Variants in LRTM3 observed in about 807,000 individuals in gnomAD.
LRTM3 encodes the protein leucine rich repeat transmembrane protein 3.
the LRTM3 span, chr13:102,729,919 A>G: frequency 9.7e-6 from 15 of 1,551,862 alleles, no homozygotes; most frequent in East Asian, 3.4e-4. Flanking sequence ...TTTTTGCAAG[A>G]TGTGATTTAA....
At chr13:102,739,992 T>C in the LRTM3 span, 5 of 1,550,546 alleles carry the variant, frequency 3.2e-6, no homozygotes, top group Non-Finnish European at 4.4e-6. Flanking sequence ...TTGTGGCATA[T>C]CACGCCTTTC....
chr13:102,754,212 A>T, the LRTM3 span, among the ~76,000 whole-genome samples: 1 of 151,656 alleles, frequency 6.6e-6, no homozygotes, highest in Non-Finnish European at 1.5e-5. Flanking sequence ...CTCCAAAAAA[A>T]AAAAAAAAAA....
the LRTM3 span, chr13:102,744,646 A>T: frequency 6.4e-7 from 1 of 1,550,814 alleles, no homozygotes; most frequent in East Asian, 2.4e-5. Flanking sequence ...CTGATTTGCA[A>T]GGGTCAGGAT....
At chr13:102,732,347 G>C in the LRTM3 span, 1 of 1,551,318 alleles carries the variant, frequency 6.4e-7, no homozygotes, top group South Asian at 1.2e-5. Context: ...TCTATTGCTT[G>C]GTGTACCACG....
At chr13:102,758,318 T>TG in the LRTM3 span, 6 of 770,874 alleles carry the variant, frequency 7.8e-6, no homozygotes, top group African/African-American at 1.0e-4. Flanking sequence ...GGAAAACCCT[T>TG]CTCTGAAATT....
the LRTM3 span, chr13:102,748,041 C>G: frequency 6.4e-7 from 1 of 1,551,074 alleles, no homozygotes; most frequent in Non-Finnish European, 8.7e-7. Context: ...GTTTCCTTCT[C>G]ATCTGGTAAT....
the LRTM3 span, chr13:102,738,446 A>G: frequency 3.2e-6 from 5 of 1,550,836 alleles, no homozygotes; most frequent in Non-Finnish European, 4.4e-6. Context: ...GGCATTTGTC[A>G]GAAGCACACT....
chr13:102,754,196 C>T, the LRTM3 span, among the ~76,000 whole-genome samples: 1 of 123,406 alleles, frequency 8.1e-6, no homozygotes, highest in Non-Finnish European at 1.7e-5. Context: ...CAGAATGAGA[C>T]TCCATCTCCA....
chr13:102,746,678 G>C, the LRTM3 span: 1 of 1,551,150 alleles, frequency 6.4e-7, no homozygotes. Flanking sequence ...TAAAACAGGA[G>C]TGCAATAATT....
the LRTM3 span, chr13:102,746,581 C>T: frequency 1.2e-5 from 18 of 1,550,910 alleles, no homozygotes; most frequent in East Asian, 3.7e-4. Context: ...TTGATGGCTT[C>T]ACAGCCTTTG....
the LRTM3 span, chr13:102,732,493 A>G: frequency 1.8e-5 from 28 of 1,551,042 alleles, no homozygotes; most frequent in Non-Finnish European, 2.4e-5. Context: ...AAAGAGGAAC[A>G]TATGAATAAA....
the LRTM3 span, chr13:102,730,899 T>G: frequency 1.9e-6 from 3 of 1,551,320 alleles, no homozygotes; most frequent in East Asian, 2.4e-5. Flanking sequence ...AAAATTCTGT[T>G]TTGTCGTTTT....
chr13:102,755,930 T>C, the LRTM3 span, among the ~76,000 whole-genome samples: 1 of 49,574 alleles, frequency 2.0e-5, no homozygotes, highest in African/African-American at 5.3e-5. Context: ...TGTGTGTGTG[T>C]GTATATATAT....
the LRTM3 span, chr13:102,743,592 A>C: frequency 6.5e-7 from 1 of 1,550,336 alleles, no homozygotes; most frequent in East Asian, 2.4e-5. Context: ...GAGTCAGATA[A>C]AACAGGCATG....
the LRTM3 span, chr13:102,732,018 C>T: frequency 6.4e-7 from 1 of 1,551,298 alleles, no homozygotes; most frequent in Non-Finnish European, 8.7e-7. Flanking sequence ...CTGAGGTTTG[C>T]TTCTGATTTG....
At chr13:102,741,045 T>G in the LRTM3 span, 6 of 1,550,192 alleles carry the variant, frequency 3.9e-6, no homozygotes, top group Non-Finnish European at 5.2e-6. Flanking sequence ...TTTGAACTCA[T>G]GATTTCTTCT....
At chr13:102,750,172 C>T in the LRTM3 span, 1,226,864 of 1,550,620 alleles carry the variant, frequency 0.79, 489,289 homozygotes, top group South Asian at 0.86. Flanking sequence ...GGCTTAGACA[C>T]GTTTCCTCTA....
chr13:102,733,929 G>T, the LRTM3 span: 2 of 1,551,260 alleles, frequency 1.3e-6, no homozygotes, highest in South Asian at 2.4e-5. Context: ...GTATTTGAGG[G>T]TACATGGAGA....
At chr13:102,747,432 C>T in the LRTM3 span, 5 of 1,547,834 alleles carry the variant, frequency 3.2e-6, no homozygotes, top group Non-Finnish European at 4.4e-6. Context: ...TTCATAATTA[C>T]ATATTTGACA....
Sources: gnomAD v4.1 joint callset for allele counts (sites outside exome capture counted in the v4.1 genomes callset) on GRCh38, gnomAD v4.1.1 for gene constraint, MANE v1.5 for transcripts, NCBI Gene and HGNC (gene_info 2026-07-23, HGNC 2026-07-21) for gene names.